Variants in FSTL5 observed in about 807,000 individuals in gnomAD.
FSTL5 encodes the protein follistatin like 5, also known as follistatin-related protein 5.
FSTL5 carries 62 observed loss-of-function variants against 89.1 expected under a neutral mutation model. That is an observed-to-expected ratio of 0.70 (90% confidence interval 0.57 to 0.86). The LOEUF is 0.86. Among genes scored for constraint, FSTL5 ranks in the 40% least tolerant of loss-of-function variants. The probability of loss-of-function intolerance (pLI) is 0.00; values close to 1 mark genes in which losing one functional copy is unlikely to be tolerated. For synonymous variants in FSTL5, 383 were observed against 346.2 expected, an observed-to-expected ratio of 1.11 and a Z score of -1.18; for missense variants, 1,057 against 1,001.6, an observed-to-expected ratio of 1.06 and a Z score of -0.75.
chr4:162,022,521 A>C (rs1416058279), intron 3 of FSTL5, among the ~76,000 whole-genome samples: 3 of 152,164 alleles, frequency 2.0e-5, no homozygotes, highest in African/African-American at 7.2e-5. Flanking sequence ...TTGCCATATA[A>C]AGAAAAAAAT....
intron 7 of FSTL5, among the ~76,000 whole-genome samples, chr4:161,591,569 T>C (rs1166411708): frequency 6.6e-6 from 1 of 152,172 alleles, no homozygotes; most frequent in African/African-American, 2.4e-5. Context: ...TCTTAGTTAA[T>C]GAAATCTTTT....
At chr4:161,988,078 G>C (rs1466440262) in intron 3 of FSTL5, among the ~76,000 whole-genome samples, 1 of 149,090 alleles carries the variant, frequency 6.7e-6, no homozygotes, top group African/African-American at 2.5e-5. Flanking sequence ...AAAAAAAACA[G>C]AGAAAAGTAA....
At chr4:161,676,576 A>G (rs1234560582) in intron 6 of FSTL5, among the ~76,000 whole-genome samples, 1 of 152,092 alleles carries the variant, frequency 6.6e-6, no homozygotes, top group African/African-American at 2.4e-5. Flanking sequence ...TGGGTGCAGC[A>G]AACTACCATG....
chr4:162,080,076 T>G (rs1579010611), intron 2 of FSTL5, among the ~76,000 whole-genome samples: 1 of 151,560 alleles, frequency 6.6e-6, no homozygotes, highest in Admixed American at 6.6e-5. Flanking sequence ...ATGATATTTT[T>G]TGTGCTACTT....
chr4:161,391,004 G>T (rs2314133), intron 15 of FSTL5, among the ~76,000 whole-genome samples: 1 of 152,042 alleles, frequency 6.6e-6, no homozygotes, highest in Non-Finnish European at 1.5e-5. Flanking sequence ...ACAAGCCTTC[G>T]CACGCGCATT....
intron 9 of FSTL5, among the ~76,000 whole-genome samples, chr4:161,538,922 C>A (rs112044851): frequency 2.0e-5 from 3 of 151,984 alleles, no homozygotes; most frequent in Admixed American, 6.6e-5. Context: ...CTGCGCCACC[C>A]CGGGCTAATT....
intron 6 of FSTL5, among the ~76,000 whole-genome samples, chr4:161,750,511 G>A (rs540520361): frequency 2.0e-5 from 3 of 151,870 alleles, no homozygotes; most frequent in Non-Finnish European, 2.9e-5. Flanking sequence ...TTTTTTTAAC[G>A]TGACTGCTAG....
chr4:161,828,174 A>C (rs1488726419), intron 4 of FSTL5, among the ~76,000 whole-genome samples: 1 of 152,110 alleles, frequency 6.6e-6, no homozygotes, highest in African/African-American at 2.4e-5. Context: ...TGGCTCTCTA[A>C]AATTGTCTCA....
intron 15 of FSTL5, among the ~76,000 whole-genome samples, chr4:161,413,976 A>T (rs1731687724): frequency 6.6e-6 from 1 of 152,182 alleles, no homozygotes; most frequent in South Asian, 2.1e-4. Flanking sequence ...CATGCTAGCT[A>T]CAGGTGACAG....
chr4:162,022,467 G>A (rs763785995), intron 3 of FSTL5, among the ~76,000 whole-genome samples: 2 of 151,776 alleles, frequency 1.3e-5, no homozygotes, highest in Non-Finnish European at 2.9e-5. Flanking sequence ...AATGTTCTAC[G>A]CTGTCCATGA....
At chr4:161,742,623 G>A (rs28647531) in intron 6 of FSTL5, among the ~76,000 whole-genome samples, 25,422 of 152,122 alleles carry the variant, frequency 0.17, 2,747 homozygotes, top group African/African-American at 0.31. Flanking sequence ...GCAGTGACGC[G>A]CCAGAAGAGA....
Position 161,886,416 on chromosome 4 carries a change from T to G in FSTL5, c.409+33988A>C, listed in dbSNP as rs138237571. On this transcript the variant is annotated intron_variant, in intron 4 of 15. Coordinates refer to ENST00000306100, the MANE Select transcript of FSTL5 (RefSeq NM_020116.5). ...TGATATAAACTAGAGTCTTCTTCAGTGAACTACTGTAATTTTCAGAAGCTA... is the reference window on the plus strand; with the variant it reads ...TGATATAAACTAGAGTCTTCTTCAGGGAACTACTGTAATTTTCAGAAGCTA... Among the ~76,000 whole-genome samples the G allele has an allele frequency of 3.3e-3, 499 of 152,292 alleles. 6 individuals are homozygous for G. Among genetic ancestry groups the G allele is most frequent in the African/African-American group, 0.011 (464 of 41,568 alleles).
intron 2 of FSTL5, chr4:162,047,601 G>C (rs1346937081): frequency 1.3e-5 from 2 of 152,132 alleles, no homozygotes; most frequent in African/African-American, 4.8e-5. Flanking sequence ...AGCCTGAGGT[G>C]GGTGGATCAC....
At chr4:161,977,763 C>T (rs1005741140) in intron 3 of FSTL5, among the ~76,000 whole-genome samples, 2 of 151,154 alleles carry the variant, frequency 1.3e-5, no homozygotes, top group Non-Finnish European at 2.9e-5. Context: ...GAATTCAAAT[C>T]CAACTATAAG....
chr4:161,631,294 G>T (rs921995345), intron 7 of FSTL5, among the ~76,000 whole-genome samples: 11 of 152,038 alleles, frequency 7.2e-5, no homozygotes, highest in African/African-American at 2.7e-4. Flanking sequence ...TCAATAAATT[G>T]CTTAGTCCCC....
intron 4 of FSTL5, among the ~76,000 whole-genome samples, chr4:161,854,666 C>T (rs577271888): frequency 1.1e-4 from 17 of 152,018 alleles, no homozygotes; most frequent in Admixed American, 2.0e-4. Context: ...TTAGGTTAAA[C>T]TACTGTGCAA....
At chr4:161,837,161 C>A (rs1473003209) in intron 4 of FSTL5, among the ~76,000 whole-genome samples, 1 of 151,890 alleles carries the variant, frequency 6.6e-6, no homozygotes, top group Non-Finnish European at 1.5e-5. Flanking sequence ...TTTAGAACAT[C>A]AACAGAAGTG....
At position 161,872,139 on chromosome 4, in the gene FSTL5, T is replaced by G. The variant is rs374824501; in HGVS notation, c.409+48265A>C. Reference sequence around the variant, plus strand: ...AGGCTTTGTAGTTTGTTTTTTTTTTTGGTTTTTTTTTTTTTTTTTGTAGAG... The same window carrying G: ...AGGCTTTGTAGTTTGTTTTTTTTTTGGGTTTTTTTTTTTTTTTTTGTAGAG... On this transcript the variant is annotated intron_variant, in intron 4 of 15. Transcript: ENST00000306100. Among the ~76,000 whole-genome samples, 98 of 106,416 alleles carry G rather than the reference T, an allele frequency of 9.2e-4. No individual in the cohort carries two copies. The East Asian group carries it at 0.015, about 17-fold the overall frequency. 69.8% of individuals were successfully genotyped at this position (106,416 alleles called of 152,430 possible).
intron 13 of FSTL5, among the ~76,000 whole-genome samples, chr4:161,475,268 A>G (rs745444515): frequency 4.6e-5 from 7 of 151,938 alleles, no homozygotes; most frequent in East Asian, 1.9e-4. Flanking sequence ...GTTGATCTTC[A>G]TGGATGCTTA....
Sources: gnomAD v4.1 joint callset for allele counts (sites outside exome capture counted in the v4.1 genomes callset) on GRCh38, gnomAD v4.1.1 for gene constraint, MANE v1.5 for transcripts, NCBI Gene and HGNC (gene_info 2026-07-23, HGNC 2026-07-21) for gene names.